Variants in HSD17B12 observed in about 807,000 individuals in gnomAD.
HSD17B12 encodes hydroxysteroid 17-beta dehydrogenase 12, also known as very-long-chain 3-oxoacyl-CoA reductase.
In HSD17B12, 32 loss-of-function variants were observed where a neutral mutation model predicts 39.3. The observed-to-expected ratio is 0.81, with a 90% CI of 0.61 to 1.09. The LOEUF is 1.09. Ranked by LOEUF, HSD17B12 falls within the 50% of genes least tolerant of loss-of-function variation. HSD17B12 has a pLI of 0.00. For missense variants in HSD17B12, 342 were observed against 382.9 expected, an observed-to-expected ratio of 0.89 and a Z score of 0.89; for synonymous variants, 150 against 146.7, an observed-to-expected ratio of 1.02 and a Z score of -0.16.
At chr11:43,674,182 G>A in the HSD17B12 span, among the ~76,000 whole-genome samples, 1 of 152,180 alleles carries the variant, frequency 6.6e-6, no homozygotes, top group South Asian at 2.1e-4. Flanking sequence ...TTAGTCACAT[G>A]TTTGGTTAGT....
chr11:43,713,229 A>G (rs1189475891), intron 1 of HSD17B12, among the ~76,000 whole-genome samples: 3 of 151,952 alleles, frequency 2.0e-5, no homozygotes, highest in South Asian at 4.2e-4. Flanking sequence ...TGCTACACCC[A>G]TGAACTCGTT....
At chr11:43,803,957 G>A (rs969921096) in intron 4 of HSD17B12, among the ~76,000 whole-genome samples, 1 of 152,280 alleles carries the variant, frequency 6.6e-6, no homozygotes, top group East Asian at 1.9e-4. Context: ...TTCCTTAGGA[G>A]AGACTCTCAT....
At chr11:43,628,638 T>A in the HSD17B12 span, among the ~76,000 whole-genome samples, 1 of 152,106 alleles carries the variant, frequency 6.6e-6, no homozygotes, top group South Asian at 2.1e-4. Context: ...TCTGGTTTTG[T>A]GGCTCTATCT....
At chr11:43,804,438 A>G (rs988767195) in intron 4 of HSD17B12, among the ~76,000 whole-genome samples, 4 of 152,218 alleles carry the variant, frequency 2.6e-5, no homozygotes, top group African/African-American at 9.6e-5. Context: ...TAACAACAAC[A>G]AAATGTGTAG....
the HSD17B12 span, among the ~76,000 whole-genome samples, chr11:43,635,027 A>G: frequency 2.0e-5 from 3 of 152,320 alleles, no homozygotes; most frequent in South Asian, 4.1e-4. Context: ...ACTTGGGAGT[A>G]AAGTGCCATG....
intron 3 of HSD17B12, among the ~76,000 whole-genome samples, chr11:43,771,387 A>G (rs1479534426): frequency 6.6e-6 from 1 of 150,558 alleles, no homozygotes. Flanking sequence ...AATACTGTAC[A>G]TGTCTTTTGG....
chr11:43,762,063 A>G (rs1325168220), intron 3 of HSD17B12, among the ~76,000 whole-genome samples: 2 of 152,186 alleles, frequency 1.3e-5, no homozygotes, highest in Non-Finnish European at 2.9e-5. Flanking sequence ...TTTCCCAGGG[A>G]ATATTTTTCC....
intron 3 of HSD17B12, among the ~76,000 whole-genome samples, chr11:43,789,720 A>G (rs1351168230): frequency 6.6e-6 from 1 of 152,176 alleles, no homozygotes; most frequent in Non-Finnish European, 1.5e-5. Flanking sequence ...AGCTCATAGC[A>G]GGTAGATCAC....
At chr11:43,583,028 A>G in the HSD17B12 span, among the ~76,000 whole-genome samples, 1 of 152,168 alleles carries the variant, frequency 6.6e-6, no homozygotes, top group South Asian at 2.1e-4. Context: ...ACCACGTTAG[A>G]TTAATAATAG....
chr11:43,838,184 G>A, intron 7 of HSD17B12, 133 bp from the exon 8 acceptor site: 3 of 671,704 alleles, frequency 4.5e-6, no homozygotes, highest in Non-Finnish European at 8.1e-6. Flanking sequence ...ACTGATGAAA[G>A]GCAGGGAGAG....
intron 3 of HSD17B12, among the ~76,000 whole-genome samples, chr11:43,798,055 TTGA>T (rs1288018980): frequency 6.6e-6 from 1 of 152,212 alleles, no homozygotes; most frequent in Non-Finnish European, 1.5e-5. Flanking sequence ...GTTTTCATTA[TTGA>T]TTTACAAAAG....
At chr11:43,678,800 GT>G (rs1949715243), upstream of HSD17B12, among the ~76,000 whole-genome samples, 1 of 152,194 alleles carries the variant, frequency 6.6e-6, no homozygotes, top group Non-Finnish European at 1.5e-5. Flanking sequence ...TTATATCTCT[GT>G]TTTGGTGCCA....
the HSD17B12 span, among the ~76,000 whole-genome samples, chr11:43,616,976 T>TA: frequency 1.3e-3 from 123 of 97,948 alleles, no homozygotes; most frequent in Middle Eastern, 4.7e-3. Flanking sequence ...TATCTCAAAT[T>TA]AAAAAAAAAA....
the HSD17B12 span, chr11:43,579,631 CGGCGGCGGCG>C: frequency 6.6e-6 from 1 of 152,132 alleles, no homozygotes; most frequent in Non-Finnish European, 1.5e-5. Context: ...CCCCGCGCCG[CGGCGGCGGCG>C]GGCGCAGACC....
At position 43,798,453 on chromosome 11, in the gene HSD17B12, G is replaced by GTATTTA. The variant is rs202171654; in HGVS notation, c.391+27_391+28insATTTAT. 4.1e-3 allele frequency: 5,605 copies of GTATTTA among 1,364,854 alleles called. 85 individuals are homozygous for GTATTTA. In the East Asian group the frequency reaches 0.053, roughly 13 times the overall value. 84.5% of individuals were successfully genotyped at this position (1,364,854 alleles called of 1,614,324 possible). ...GTTTGTATTTTTGCCACATTTATAG[G>GTATTTA]TTCTTCTTGTATTTATTATTTGACT... On this transcript the variant is annotated intron_variant, in intron 4 of 10. Transcript: ENST00000278353.
intron 1 of HSD17B12, among the ~76,000 whole-genome samples, chr11:43,719,615 C>CAA (rs756654421): frequency 5.1e-5 from 7 of 137,724 alleles, no homozygotes; most frequent in East Asian, 4.1e-4. Flanking sequence ...ACAAGGACTT[C>CAA]AAAAAAAAAA....
chr11:43,587,905 C>G, the HSD17B12 span, among the ~76,000 whole-genome samples: 1 of 152,274 alleles, frequency 6.6e-6, no homozygotes, highest in Non-Finnish European at 1.5e-5. Context: ...AAGACCAGTC[C>G]ACTTCTGGCC....
chr11:43,663,624 T>C, the HSD17B12 span, among the ~76,000 whole-genome samples: 5 of 152,190 alleles, frequency 3.3e-5, no homozygotes, highest in Admixed American at 2.0e-4. Flanking sequence ...AACCATGTTT[T>C]CTGTATACTT....
At chr11:43,635,032 G>A in the HSD17B12 span, among the ~76,000 whole-genome samples, 1 of 152,194 alleles carries the variant, frequency 6.6e-6, no homozygotes, top group East Asian at 1.9e-4. Context: ...GGAGTAAAGT[G>A]CCATGGTGTG....
Sources: allele counts gnomAD v4.1 joint callset (sites outside exome capture counted in the v4.1 genomes callset), GRCh38; gene constraint gnomAD v4.1.1; transcripts MANE v1.5; gene names NCBI Gene and HGNC (gene_info 2026-07-23, HGNC 2026-07-21).